Variants in AGT observed in about 807,000 individuals in gnomAD.
The protein encoded by AGT is alpha-1 antiproteinase, antitrypsin.
AGT carries 26 observed loss-of-function variants against 28.1 expected under a neutral mutation model. That is an observed-to-expected ratio of 0.92 (90% CI 0.68 to 1.28). The LOEUF (loss-of-function observed/expected upper bound fraction) is 1.28, where lower values mean the gene tolerates loss of function less well. Ranked by LOEUF, AGT falls within the 50% of genes most tolerant of loss-of-function variation. AGT has a pLI of 0.00. For missense variants in AGT, 596 were observed against 592.3 expected, an observed-to-expected ratio of 1.01 and a Z score of -0.06; for synonymous variants, 259 against 259.6, an observed-to-expected ratio of 1.00 and a Z score of 0.02.
rs150424478 is a variant in AGT, at chr1:230,706,215, G to A, written c.830-15C>T. The A allele has an allele frequency of 6.3e-5, 101 of 1,611,960 alleles. No individual in the cohort carries two copies. In the African/African-American group the frequency reaches 1.3e-3, roughly 20 times the overall value. On this transcript the variant is annotated splice_polypyrimidine_tract_variant and intron_variant, in intron 2 of 4. Transcript: ENST00000366667. ...CTTCATCTTCCCTGAAATCCAGACA[G>A]GAGACAGGGAGGGAAGAGTCACCCA... is the stretch of plus-strand genomic sequence containing the variant.
rs759917126 is a variant in AGT, at chr1:230,710,333, G to T, written c.491C>A (p.Ser164Tyr). The change falls in exon 2 of 5, where the codon TCC becomes TAC. Residue 164 changes from serine to tyrosine, a missense_variant. Transcript: ENST00000366667. ...GVPWKDKNCT[S>Y]RLDAHKVLSA... ...CAGGACCTTGTGCGCATCCAGCCGGGAGGTGCAGTTCTTGTCCTTCCAAGG... is the reference window on the plus strand; with the variant it reads ...CAGGACCTTGTGCGCATCCAGCCGGTAGGTGCAGTTCTTGTCCTTCCAAGG... The T allele has an allele frequency of 2.5e-6, 4 of 1,614,126 alleles. 1 individual carries two copies. The South Asian group carries it at 4.4e-5, about 18-fold the overall frequency.
chr1:230,703,889 C>T (rs1322863277), intron 4 of AGT, among the ~76,000 whole-genome samples: 2 of 152,186 alleles, frequency 1.3e-5, no homozygotes, highest in African/African-American at 2.4e-5. Flanking sequence ...TTGCTGTCTT[C>T]ATCCCGGTTT....
chr1:230,715,794 C>T (rs942212581), upstream of AGT, among the ~76,000 whole-genome samples: 5 of 152,196 alleles, frequency 3.3e-5, no homozygotes, highest in Non-Finnish European at 7.3e-5. Flanking sequence ...CATTCACTCA[C>T]TATTCCTGGT....
At chr1:230,737,645 C>T (rs1428681558) in intron 1 of AGT, among the ~76,000 whole-genome samples, 2 of 152,098 alleles carry the variant, frequency 1.3e-5, no homozygotes, top group Non-Finnish European at 2.9e-5. Flanking sequence ...GCTATCAAAT[C>T]TCCCTTTTAG....
chr1:230,727,257 T>C (rs1195506693), intron 1 of AGT, among the ~76,000 whole-genome samples: 1 of 152,172 alleles, frequency 6.6e-6, no homozygotes, highest in Non-Finnish European at 1.5e-5. Context: ...ATGACCCCAC[T>C]CTTGTCAGGA....
upstream of AGT, among the ~76,000 whole-genome samples, chr1:230,717,076 C>T (rs896272652): frequency 2.0e-5 from 3 of 146,968 alleles, 1 homozygote; most frequent in Admixed American, 2.0e-4. Context: ...TCCCTTAAAC[C>T]TTGATTTTAT....
chr1:230,739,677 G>A (rs561780338), intron 1 of AGT, among the ~76,000 whole-genome samples: 27 of 152,302 alleles, frequency 1.8e-4, no homozygotes, highest in Non-Finnish European at 2.9e-4. Flanking sequence ...AGCAAATACC[G>A]TAAGGAAAGA....
At chr1:230,739,976 A>G (rs1029333908) in intron 1 of AGT, among the ~76,000 whole-genome samples, 5 of 152,236 alleles carry the variant, frequency 3.3e-5, no homozygotes, top group Non-Finnish European at 7.3e-5. Flanking sequence ...CTCCGTAGGT[A>G]GAGCAGCAGT....
At chr1:230,714,902 C>T (rs962632066), upstream of AGT, among the ~76,000 whole-genome samples, 2 of 152,138 alleles carry the variant, frequency 1.3e-5, no homozygotes, top group Non-Finnish European at 2.9e-5. Flanking sequence ...GTCATTATAA[C>T]AGGGCATGAC....
At chr1:230,711,702 A>T (rs1410391750) in intron 1 of AGT, among the ~76,000 whole-genome samples, 2 of 151,954 alleles carry the variant, frequency 1.3e-5, no homozygotes, top group African/African-American at 4.8e-5. Flanking sequence ...CCCCAAAACC[A>T]GCTCTCAACC....
At chr1:230,722,075 C>T (rs1211447185) in intron 1 of AGT, among the ~76,000 whole-genome samples, 1 of 152,236 alleles carries the variant, frequency 6.6e-6, no homozygotes, top group East Asian at 1.9e-4. Flanking sequence ...GGCCTAGGGC[C>T]CGCCTGCTCT....
chr1:230,714,466 G>A (rs1003695263), upstream of AGT, among the ~76,000 whole-genome samples: 4 of 152,178 alleles, frequency 2.6e-5, no homozygotes, highest in Admixed American at 1.3e-4. Flanking sequence ...ACCCAGCCCC[G>A]GGAGATGTAC....
chr1:230,732,434 A>G (rs10159289), intron 1 of AGT, among the ~76,000 whole-genome samples: 24,523 of 151,856 alleles, frequency 0.16, 2,638 homozygotes, highest in East Asian at 0.49. Context: ...GATCAACCCC[A>G]GCTTTCTTGG....
In AGT at chr1:230,703,291, C is replaced by G; in HGVS notation, c.1281G>C (p.Glu427Asp). Reference protein sequence around the residue: ...NSIFFELEADEREPTESTQQL... With the variant: ...NSIFFELEADDREPTESTQQL... ...GTTGGGTAGACTCTGTGGGCTCTCT[C>G]TCATCCGCTTCAAGCTCAAAAAAAA... Residue 427 changes from glutamate (E) to aspartate (D), a missense_variant, in exon 5 of 5, where the codon GAG becomes GAC. Physicochemically the swap from Glu to Asp is conservative, Grantham distance 45 (BLOSUM62 2). Transcript: ENST00000366667. 6.2e-7 allele frequency: 1 copy of G among 1,614,226 alleles called. No homozygotes were observed. Among genetic ancestry groups the G allele is most frequent in the Non-Finnish European group, 8.5e-7 (1 of 1,180,054 alleles).
chr1:230,704,113 T>A, intron 4 of AGT, 80 bp downstream of exon 4: 3 of 1,607,986 alleles, frequency 1.9e-6, no homozygotes, highest in Non-Finnish European at 2.6e-6. Context: ...CATAGCCTCC[T>A]CTGTGTCCCT....
intron 1 of AGT, among the ~76,000 whole-genome samples, chr1:230,730,532 G>A (rs888637592): frequency 6.6e-6 from 1 of 152,160 alleles, no homozygotes; most frequent in African/African-American, 2.4e-5. Flanking sequence ...CATCTTTAGG[G>A]GAAAAGCTGA....
At position 230,704,229 on chromosome 1, in the gene AGT, C is replaced by A. The variant is rs573313754; in HGVS notation, c.1206G>T (p.Leu402=). The change falls in exon 4 of 5, where the codon CTG becomes CTT. Residue 402 remains leucine, a synonymous_variant. Coordinates refer to ENST00000366667, the MANE Select transcript of AGT (RefSeq NM_001384479.1). ...LPAILHTELN[L]QKLSNDRIRV... ...TGATGCGGTCATTGCTCAATTTTTG[C>A]AGGTTCAGCTCGGTGTGCAGAATGG... is the stretch of plus-strand genomic sequence containing the variant. 132 of 1,614,238 alleles carry A rather than the reference C, an allele frequency of 8.2e-5. 1 individual carries two copies. Among genetic ancestry groups the A allele is most frequent in the Middle Eastern group, 4.9e-4 (3 of 6,062 alleles).
rs764008871 is a variant in AGT, at chr1:230,706,118, G to A, written c.912C>T (p.Leu304=). ...DNSTSVSVPM[L]SGMGTFQHWS... ...AGTGCTGGAAGGTGCCCATGCCAGA[G>A]AGCATGGGAACAGACACTGAGGTGC... is the stretch of plus-strand genomic sequence containing the variant. The change falls in exon 3 of 5, where the codon CTC becomes CTT. Residue 304 remains leucine, a synonymous_variant. Coordinates refer to ENST00000366667, the MANE Select transcript of AGT (RefSeq NM_001384479.1). The A allele has an allele frequency of 2.5e-6, 4 of 1,613,946 alleles. No individual in the cohort carries two copies. Among genetic ancestry groups the A allele is most frequent in the African/African-American group, 2.7e-5 (2 of 74,922 alleles).
intron 1 of AGT, among the ~76,000 whole-genome samples, chr1:230,740,244 ACTTTCATCGCCAT>A (rs1403523602): frequency 1.3e-5 from 2 of 152,198 alleles, no homozygotes; most frequent in African/African-American, 4.8e-5. Flanking sequence ...AACAGAGGTC[ACTTTCATCGCCAT>A]CTTGGTTTTA....
Sources: allele counts gnomAD v4.1 joint callset (sites outside exome capture counted in the v4.1 genomes callset), GRCh38; gene constraint gnomAD v4.1.1; transcripts MANE v1.5; gene names NCBI Gene and HGNC (gene_info 2026-07-23, HGNC 2026-07-21).